The following MEFV variants were observed in gnomAD, a reference collection of about 807,000 sequenced individuals.
The protein encoded by MEFV is pyrin.
In MEFV, 60 loss-of-function variants were observed where a neutral mutation model predicts 62.5. The ratio of observed to expected loss-of-function variants is 0.96; its 90% CI spans 0.78 to 1.19. The LOEUF (loss-of-function observed/expected upper bound fraction) is 1.19. MEFV is among the 50% of genes most tolerant of loss of function. The pLI, the probability that MEFV is intolerant of heterozygous loss-of-function variation, is 0.00. For missense variants in MEFV, 1,169 were observed against 1,004.5 expected (o/e 1.16, Z -2.21); for synonymous variants, 500 against 415.2 (o/e 1.20, Z -2.48).
Position 3,254,662 on chromosome 16 carries a change from C to G in MEFV, c.406G>C (p.Gly136Arg). 3.7e-6 allele frequency: 6 copies of G among 1,610,856 alleles called. No homozygotes were observed. Among genetic ancestry groups the G allele is most frequent in the South Asian group, 2.2e-5 (2 of 91,066 alleles). Reference sequence around the variant, plus strand: ...CACCGCAGGCTGGCAGCTCCGCCCCCGTACGGCCGAGGGCCGTTCCCCTCG... The same window carrying G: ...CACCGCAGGCTGGCAGCTCCGCCCCGGTACGGCCGAGGGCCGTTCCCCTCG... ...GNEGNGPRPY[G>R]GGAASLRCSQ... The change falls in exon 2 of 10, where the codon GGG becomes CGG. Residue 136 changes from glycine to arginine, a missense_variant. By Grantham distance (125) the Gly-to-Arg change is moderately radical. Coordinates refer to ENST00000219596, the MANE Select transcript of MEFV (RefSeq NM_000243.3).
intron 4 of MEFV, chr16:3,247,951 A>C (rs1203007077): frequency 6.6e-6 from 1 of 150,506 alleles, no homozygotes; most frequent in Admixed American, 6.7e-5. Flanking sequence ...AAAAAAAAAA[A>C]AAAACCCTAA....
intron 2 of MEFV, among the ~76,000 whole-genome samples, chr16:3,253,339 C>G (rs1341156946): frequency 6.6e-6 from 1 of 152,126 alleles, no homozygotes; most frequent in African/African-American, 2.4e-5. Flanking sequence ...ACATATGGAA[C>G]CCTGCCCTGG....
At chr16:3,243,975 A>G (rs568395935) in intron 8 of MEFV, 83 bp from the exon 9 acceptor site, 4 of 1,586,206 alleles carry the variant, frequency 2.5e-6, no homozygotes, top group Non-Finnish European at 3.4e-6. Flanking sequence ...GACAACAAGG[A>G]AAGACAAGGA....
intron 4 of MEFV, chr16:3,247,640 T>TG (rs1231606526): frequency 4.5e-6 from 1 of 222,400 alleles, no homozygotes; most frequent in East Asian, 1.0e-4. Context: ...TCTTATAAAA[T>TG]GGGGAAATTT....
rs1567234845 is a variant in MEFV, at chr16:3,249,725, T to C, written c.966A>G (p.Pro322=). ...AATCACGCACACAGGTACCGTCAAC[T>C]GGGTCTCCTTCCTGGGCGTGGCAGC... ...SPRCHAQEGD[P]VDGTCVRDSC... is the part of the protein sequence containing the mutation. The change falls in exon 3 of 10, where the codon CCA becomes CCG. Residue 322 remains proline, a synonymous_variant. Transcript: ENST00000219596. 3 of 1,613,948 alleles carry C rather than the reference T, an allele frequency of 1.9e-6. No individual in the cohort carries two copies. The South Asian group carries it at 3.3e-5, about 18-fold the overall frequency.
chr16:3,247,360 C>A (rs1449832078), intron 4 of MEFV, 114 bp from the exon 5 acceptor site: 1 of 810,682 alleles, frequency 1.2e-6, no homozygotes, highest in Non-Finnish European at 2.0e-6. Flanking sequence ...GCTTATGCTG[C>A]CTCTTCAAGG....
chr16:3,252,067 T>A (rs1056857319), intron 2 of MEFV: 27 of 293,502 alleles, frequency 9.2e-5, no homozygotes, highest in East Asian at 2.9e-4. Context: ...AAAAAAAAAA[T>A]TAAAAAAAAT....
chr16:3,247,191 T>G lies in MEFV; in HGVS notation c.1412A>C (p.Tyr471Ser), dbSNP rs1161566990. Residue 471 changes from tyrosine (Y) to serine (S), a missense_variant, in exon 5 of 10, where the codon TAC becomes TCC. By Grantham distance (144) the Tyr-to-Ser change is moderately radical. Coordinates refer to ENST00000219596, the MANE Select transcript of MEFV (RefSeq NM_000243.3). ...RVQRKLEQVY[Y>S]FLEQQEHFFV... ...GAAATGCTCTTGCTGCTCCAGGAAGTAGTACACCTGCTCCAGCTTCCTCTG... is the reference window on the plus strand; with the variant it reads ...GAAATGCTCTTGCTGCTCCAGGAAGGAGTACACCTGCTCCAGCTTCCTCTG... 6.2e-7 allele frequency: 1 copy of G among 1,614,128 alleles called. No homozygotes were observed. The highest frequency in any genetic ancestry group is 1.7e-5 in the Admixed American group (1 of 60,018).
chr16:3,254,749 A>C lies in MEFV; in HGVS notation c.319T>G (p.Ser107Ala), dbSNP rs756029520. 7 of 1,612,672 alleles carry C rather than the reference A, an allele frequency of 4.3e-6. No homozygotes were observed. The highest frequency in any genetic ancestry group is 2.7e-5 in the African/African-American group (2 of 74,940). The change falls in exon 2 of 10, where the codon TCC becomes GCC. Residue 107 changes from serine (S) to alanine (A), a missense_variant. Ser to Ala is a moderately conservative substitution (Grantham distance 99). Coordinates refer to ENST00000219596, the MANE Select transcript of MEFV (RefSeq NM_000243.3). ...GGCTTGTTCTCCCCCAGGGAGCTGG[A>C]CGCTGCGGAATCATCTGTGCCGTTT... ...QENGTDDSAASSSLGENKPRS... is the reference protein window; with the variant it reads ...QENGTDDSAAASSLGENKPRS...
chr16:3,247,472 A>C, intron 4 of MEFV: 1 of 579,758 alleles, frequency 1.7e-6, no homozygotes, highest in Non-Finnish European at 3.1e-6. Flanking sequence ...CCTGGTGTTA[A>C]GGTTTAACTG....
intron 2 of MEFV, chr16:3,252,155 T>C (rs1235555974): frequency 3.7e-5 from 7 of 188,154 alleles, no homozygotes; most frequent in Middle Eastern, 2.4e-3. Context: ...TGCTAGGTTT[T>C]CCAGATCCCA....
Position 3,242,826 on chromosome 16 carries a change from G to A in MEFV, c.*315C>T, listed in dbSNP as rs1451130782. On this transcript the variant is annotated 3_prime_UTR_variant, in exon 10 of 10. Transcript: ENST00000219596. ...TATATCCTTGCCGTGGGGTTCTGAG[G>A]GAAAATGAGGGCCAAATCTTCTGTT... The A allele has an allele frequency of 2.3e-6, 1 of 430,886 alleles. No individual in the cohort carries two copies. Among genetic ancestry groups the A allele is most frequent in the African/African-American group, 2.0e-5 (1 of 49,634 alleles). The allele number at this position is 430,886 out of a possible 1,614,324, so 26.7% of individuals were successfully genotyped here. A position where few individuals can be genotyped will look rare whatever the true frequency, so the allele number is the denominator to read the frequency against.
At chr16:3,245,757 T>C (rs1027605606) in intron 6 of MEFV, among the ~76,000 whole-genome samples, 1 of 152,022 alleles carries the variant, frequency 6.6e-6, no homozygotes, top group African/African-American at 2.4e-5. Context: ...CTGTGAGAAT[T>C]AGGATGGTGG....
chr16:3,250,589 T>C (rs1360952652), intron 2 of MEFV, among the ~76,000 whole-genome samples: 2 of 151,170 alleles, frequency 1.3e-5, no homozygotes, highest in African/African-American at 2.4e-5. Context: ...TAAGATGCCA[T>C]CTTAAAAGAA....
chr16:3,249,297 A>G (rs1958994390), intron 3 of MEFV, 134 bp downstream of exon 3: 2 of 842,454 alleles, frequency 2.4e-6, no homozygotes, highest in African/African-American at 1.7e-5. Flanking sequence ...ACTGGTTTAT[A>G]TTGTGTTCTT....
At chr16:3,244,187 A>G (rs974242012) in intron 8 of MEFV, 67 bp downstream of exon 8, 1 of 1,611,464 alleles carries the variant, frequency 6.2e-7, no homozygotes, top group Non-Finnish European at 8.5e-7. Flanking sequence ...AGGGCCCCTC[A>G]AGTCAACAGC....
intron 2 of MEFV, among the ~76,000 whole-genome samples, chr16:3,252,883 G>A (rs915475014): frequency 2.1e-5 from 3 of 144,910 alleles, no homozygotes; most frequent in Non-Finnish European, 3.0e-5. Flanking sequence ...CTAGGAGGTT[G>A]AGGCTGCAGT....
In MEFV at chr16:3,249,014, C is replaced by T. The variant is rs767528614; in HGVS notation, c.1261-10G>A. 2 of 1,613,904 alleles carry T rather than the reference C, an allele frequency of 1.2e-6. No homozygotes were observed. Among genetic ancestry groups the T allele is most frequent in the Non-Finnish European group, 1.7e-6 (2 of 1,179,892 alleles). On this transcript the variant is annotated splice_polypyrimidine_tract_variant and intron_variant, in intron 3 of 9. Coordinates refer to ENST00000219596, the MANE Select transcript of MEFV (RefSeq NM_000243.3). ...GCTTCTGAATTTTCTTCTGGAAAAA[C>T]AGCACTTGTTGAAAAGCTTGAATTT...
intron 2 of MEFV, chr16:3,252,066 A>AT (rs1369024160): frequency 3.2e-6 from 1 of 312,886 alleles, no homozygotes; most frequent in Middle Eastern, 1.2e-3. Context: ...AAAAAAAAAA[A>AT]TTAAAAAAAA....
Sources: allele counts gnomAD v4.1 joint callset (sites outside exome capture counted in the v4.1 genomes callset), GRCh38; gene constraint gnomAD v4.1.1; transcripts MANE v1.5; gene names NCBI Gene and HGNC (gene_info 2026-07-23, HGNC 2026-07-21).